DROSHA: variants seen among roughly 807,000 people sequenced by gnomAD.
The protein encoded by DROSHA is drosha ribonuclease III.
In DROSHA, 56 loss-of-function variants were observed where a neutral mutation model predicts 181.9. The ratio of observed to expected loss-of-function variants is 0.31; its 90% CI spans 0.25 to 0.38. DROSHA has a LOEUF of 0.38. DROSHA is among the 10% of genes least tolerant of loss of function. The pLI is 1.00. For missense variants in DROSHA, 1,218 were observed against 1,743.5 expected, an observed-to-expected ratio of 0.70 and a Z score of 5.37; for synonymous variants, 524 against 591.2, an observed-to-expected ratio of 0.89 and a Z score of 1.65.
chr5:31,461,586 AAC>A (rs969713544), intron 20 of DROSHA, among the ~76,000 whole-genome samples: 26 of 152,190 alleles, frequency 1.7e-4, no homozygotes, highest in Admixed American at 3.3e-4. Context: ...CATTCATAAA[AAC>A]AGTTACCACT....
rs183786519 is a variant in DROSHA, at chr5:31,514,972, G to A, written c.1290+16C>T. On this transcript the variant is annotated intron_variant, in intron 8 of 35. Coordinates refer to ENST00000344624, the MANE Select transcript of DROSHA (RefSeq NM_001382508.1). This position sits in a 1 kb window ranked among gnomAD's most constrained non-coding sequence, Gnocchi z 4.4. Reference sequence around the variant, plus strand: ...AGAAGCCCTAGTCTACAGCTTGTCTGCTACTTCAGACCTACCACCTGATCC... The same window carrying A: ...AGAAGCCCTAGTCTACAGCTTGTCTACTACTTCAGACCTACCACCTGATCC... 47 of 1,610,148 alleles carry A rather than the reference G, an allele frequency of 2.9e-5. No homozygotes were observed. The African/African-American group carries it at 5.7e-4, about 20-fold the overall frequency.
Position 31,493,227 on chromosome 5 carries a change from C to A in DROSHA, c.1822G>T (p.Ala608Ser). Reference sequence around the variant, plus strand: ...CTTACATTGGTCAGGGGGGCATGTGCAAACATAGAAAATCCTTCAAAGATA... The same window carrying A: ...CTTACATTGGTCAGGGGGGCATGTGAAAACATAGAAAATCCTTCAAAGATA... Reference protein sequence around the residue: ...EYIFEGFSMFAHAPLTNIPLC... With the variant: ...EYIFEGFSMFSHAPLTNIPLC... Residue 608 changes from alanine to serine, a missense_variant, in exon 13 of 36, where the codon GCA (alanine) becomes TCA (serine). Transcript: ENST00000344624. 1 of 1,606,794 alleles carries A rather than the reference C, an allele frequency of 6.2e-7. No individual in the cohort carries two copies. Among genetic ancestry groups the A allele is most frequent in the Non-Finnish European group, 8.5e-7 (1 of 1,177,000 alleles).
chr5:31,515,601 G>C (rs968962517), intron 6 of DROSHA, 37 bp from the exon 7 acceptor site: 22 of 1,550,128 alleles, frequency 1.4e-5, no homozygotes, highest in Non-Finnish European at 1.9e-5. Flanking sequence ...GTTTGGAAAT[G>C]TCCACATATG....
chr5:31,457,897 AATCT>A (rs1424182868), intron 20 of DROSHA, among the ~76,000 whole-genome samples: 1 of 152,178 alleles, frequency 6.6e-6, no homozygotes, highest in Admixed American at 6.5e-5. Context: ...TGACTCAATC[AATCT>A]GTCAGTCAGT....
intron 23 of DROSHA, among the ~76,000 whole-genome samples, chr5:31,447,352 A>C (rs1746434059): frequency 6.6e-6 from 1 of 152,228 alleles, no homozygotes; most frequent in Non-Finnish European, 1.5e-5. Context: ...TTACCTATGT[A>C]ACAAACTGCA....
chr5:31,442,492 A>G (rs1187358126), intron 23 of DROSHA, among the ~76,000 whole-genome samples: 1 of 152,156 alleles, frequency 6.6e-6, no homozygotes, highest in Non-Finnish European at 1.5e-5. Flanking sequence ...TAAACACTCC[A>G]TTTGTTTTTA....
rs61354118 is a variant in DROSHA, at chr5:31,493,215, G to A, written c.1834C>T (p.Leu612=). 832 of 1,605,704 alleles carry A rather than the reference G, an allele frequency of 5.2e-4. 5 individuals carry two copies. The East Asian group carries it at 0.013, about 24-fold the overall frequency. ...EGFSMFAHAP[L]TNIPLCKVIR... The stretch of plus-strand genomic sequence containing the variant: ...AACTGGCACATACTTACATTGGTCA[G>A]GGGGGCATGTGCAAACATAGAAAAT... Residue 612 remains leucine, a synonymous_variant, in exon 13 of 36, where the codon CTG becomes TTG. Transcript: ENST00000344624.
intron 30 of DROSHA, 103 bp downstream of exon 30, chr5:31,421,169 C>CTT: frequency 4.4e-6 from 4 of 900,040 alleles, no homozygotes; most frequent in Non-Finnish European, 7.0e-6. Flanking sequence ...AAGCTAAAGT[C>CTT]ACTAAGAGTA....
In DROSHA at chr5:31,452,803, A is replaced by G. The variant is rs555399818; in HGVS notation, c.2575-1163T>C. Reference sequence around the variant, plus strand: ...ATATAATTGAGCACCTCCACGTGTAAGGCCTTACAATATGTGTGGAAGACA... The same window carrying G: ...ATATAATTGAGCACCTCCACGTGTAGGGCCTTACAATATGTGTGGAAGACA... On this transcript the variant is annotated intron_variant, in intron 20 of 35. Transcript: ENST00000344624. 6.6e-4 allele frequency among the ~76,000 whole-genome samples: 100 copies of G among 152,338 alleles called. 1 individual carries two copies. The highest frequency in any genetic ancestry group is 1.1e-3 in the Non-Finnish European group (78 of 68,034).
chr5:31,410,301 CA>C (rs1741155234), intron 31 of DROSHA, among the ~76,000 whole-genome samples: 1 of 152,180 alleles, frequency 6.6e-6, no homozygotes, highest in African/African-American at 2.4e-5. Flanking sequence ...TCGGAAACTG[CA>C]AAAGACGACA....
In DROSHA at chr5:31,422,086, G is replaced by A. The variant is rs1580027137; in HGVS notation, c.3419+701C>T. ...CAGCCTTCGCAACAGAGTGAGATCT[G>A]TCAGAAAAAAAAAAGAAAGAAAGAA... is the stretch of plus-strand genomic sequence containing the variant. On this transcript the variant is annotated intron_variant, in intron 29 of 35. Transcript: ENST00000344624. Among the ~76,000 whole-genome samples, 3 of 117,218 alleles carry A rather than the reference G, an allele frequency of 2.6e-5. No individual in the cohort carries two copies. In the East Asian group the frequency reaches 1.1e-3, roughly 43 times the overall value. 76.9% of individuals were successfully genotyped at this position (117,218 alleles called of 152,430 possible).
chr5:31,487,021 CT>C (rs1751857518), intron 13 of DROSHA, among the ~76,000 whole-genome samples: 1 of 152,120 alleles, frequency 6.6e-6, no homozygotes, highest in African/African-American at 2.4e-5. Flanking sequence ...CCATCTGGCT[CT>C]TAAGCAAAGG....
intron 23 of DROSHA, among the ~76,000 whole-genome samples, chr5:31,448,268 C>T (rs1160017246): frequency 1.3e-5 from 2 of 152,062 alleles, no homozygotes; most frequent in Admixed American, 6.6e-5. Context: ...TTATATGATG[C>T]CTTTCATATA....
At chr5:31,425,370 A>C (rs1015784353) in intron 27 of DROSHA, among the ~76,000 whole-genome samples, 10 of 152,302 alleles carry the variant, frequency 6.6e-5, no homozygotes, top group African/African-American at 2.4e-4. Context: ...TTTAAACATC[A>C]AACTTTCTTT....
chr5:31,529,053 G>C lies in DROSHA; in HGVS notation c.7C>G (p.Gln3Glu), dbSNP rs1169598535. The change falls in exon 4 of 36, where the codon CAG becomes GAG. Residue 3 changes from glutamine to glutamate, a missense_variant. Gln to Glu is a conservative substitution (Grantham distance 29). This residue lies in a region of DROSHA where 536 missense variants were observed against 535.4 expected (regional missense o/e 1.00). Coordinates refer to ENST00000344624, the MANE Select transcript of DROSHA (RefSeq NM_001382508.1). MM[Q>E]GNTCHRMSFH... ...CACGGCACTCACCATGTGTTTCCCT[G>C]CATCATGATGTTCCGCCTGGATATG... 6.2e-7 allele frequency: 1 copy of C among 1,613,190 alleles called. No individual in the cohort carries two copies. The highest frequency in any genetic ancestry group is 2.2e-5 in the East Asian group (1 of 44,874).
At position 31,468,036 on chromosome 5, in the gene DROSHA, G is replaced by C. The variant is rs12517177; in HGVS notation, c.2269C>G (p.Leu757Val). 1 of 1,611,626 alleles carries C rather than the reference G, an allele frequency of 6.2e-7. No homozygotes were observed. The highest frequency in any genetic ancestry group is 8.5e-7 in the Non-Finnish European group (1 of 1,178,824). Residue 757 changes from leucine (L) to valine (V), a missense_variant, in exon 18 of 36, where the codon CTG becomes GTG. Physicochemically the swap from Leu to Val is conservative, Grantham distance 32. This residue lies in a region of DROSHA where 460 missense variants were observed against 774.2 expected (regional missense o/e 0.59). Coordinates refer to ENST00000344624, the MANE Select transcript of DROSHA (RefSeq NM_001382508.1). ...TCGGGGTTGAACTGTTCACGATCCA[G>C]TTGATCGATACGGACAGAGCTTGGT... ...TKPSSVRIDQ[L>V]DREQFNPDVI... is the part of the protein sequence containing the mutation.
rs1744179469 is a variant in DROSHA, at chr5:31,431,462, C to T, written c.3145+114G>A. On this transcript the variant is annotated intron_variant, in intron 26 of 35. Transcript: ENST00000344624. ...GTGGTAGGTGTCGTCCTAGGAACCT[C>T]ATGTGCTTTGGGAACAAGTAATTCT... The T allele has an allele frequency of 1.0e-5, 10 of 954,246 alleles. No individual in the cohort carries two copies. The East Asian group carries it at 2.5e-4, about 24-fold the overall frequency. 59.1% of individuals were successfully genotyped at this position (954,246 alleles called of 1,614,324 possible). A position where few individuals can be genotyped will look rare whatever the true frequency, so the allele number is the denominator to read the frequency against.
At position 31,514,505 on chromosome 5, in the gene DROSHA, A is replaced by T; in HGVS notation, c.1290+483T>A. On this transcript the variant is annotated intron_variant, in intron 8 of 35. Transcript: ENST00000344624. This position sits in a 1 kb window ranked among gnomAD's most constrained non-coding sequence, Gnocchi z 4.4. ...AAAAATAAAAAAAAATTAGCCAGTC[A>T]TGGTGGCACGTGCCCCGTAGTTCCA... Among the ~76,000 whole-genome samples the T allele has an allele frequency of 6.6e-6, 1 of 152,060 alleles. No individual in the cohort carries two copies. The highest frequency in any genetic ancestry group is 1.9e-4 in the East Asian group (1 of 5,168).
chr5:31,468,489 G>A (rs896786890), intron 17 of DROSHA, among the ~76,000 whole-genome samples: 6 of 152,118 alleles, frequency 3.9e-5, no homozygotes, highest in African/African-American at 1.4e-4. Flanking sequence ...TGTTCTCAGT[G>A]GATCTTATGT....
Sources: gnomAD v4.1 joint callset for allele counts (sites outside exome capture counted in the v4.1 genomes callset) on GRCh38, gnomAD v4.1.1 for gene constraint, gnomAD v4.1.1 regional missense constraint, Gnocchi (gnomAD v3.1) non-coding constraint, MANE v1.5 for transcripts, NCBI Gene and HGNC (gene_info 2026-07-23, HGNC 2026-07-21) for gene names.